The following RCAN1 variants were observed in gnomAD, a reference collection of about 807,000 sequenced individuals.
RCAN1 encodes calcipressin-1.
RCAN1 carries 11 observed loss-of-function variants against 22.9 expected under a neutral mutation model. The ratio of observed to expected loss-of-function variants is 0.48; its 90% CI spans 0.30 to 0.79. The LOEUF (loss-of-function observed/expected upper bound fraction) is 0.79, where lower values mean the gene tolerates loss of function less well. Ranked by LOEUF, RCAN1 falls within the 30% of genes least tolerant of loss-of-function variation. The pLI, the probability that RCAN1 is intolerant of heterozygous loss-of-function variation, is 0.06. For synonymous variants in RCAN1, 136 were observed against 142.3 expected (o/e 0.96, Z 0.32); for missense variants, 291 against 337.8 (o/e 0.86, Z 1.09).
intron 1 of RCAN1, among the ~76,000 whole-genome samples, chr21:34,579,533 G>C (rs1987531814): frequency 1.3e-5 from 2 of 152,140 alleles, no homozygotes; most frequent in Non-Finnish European, 2.9e-5. Flanking sequence ...GGACCCACTG[G>C]ACTAAATGAT....
chr21:34,588,425 T>C (rs947955060), intron 1 of RCAN1, among the ~76,000 whole-genome samples: 2 of 152,234 alleles, frequency 1.3e-5, no homozygotes, highest in Admixed American at 1.3e-4. Flanking sequence ...AGGTTTTGAT[T>C]TGTGTATTTT....
At chr21:34,574,064 A>C (rs546412729) in intron 1 of RCAN1, among the ~76,000 whole-genome samples, 1 of 152,224 alleles carries the variant, frequency 6.6e-6, no homozygotes, top group Non-Finnish European at 1.5e-5. Flanking sequence ...GAATTTTCCA[A>C]TGGAAGGGAC....
chr21:34,530,338 A>C (rs1314958867), intron 1 of RCAN1, among the ~76,000 whole-genome samples: 1 of 152,220 alleles, frequency 6.6e-6, no homozygotes, highest in African/African-American at 2.4e-5. Flanking sequence ...AGGAAAAATT[A>C]AGGTTTATGA....
rs1568874694 is a variant in RCAN1, at chr21:34,518,249, C to G, written c.594G>C (p.Lys198Asn). ...YAISKLGPGE[K>N]YELHAATDTT... ...TGTCAGTCGCTGCGTGCAATTCATA[C>G]TTTTCCCCTAAGGAGGGAAAATAAT... Residue 198 changes from lysine (K) to asparagine (N), a missense_variant, in exon 4 of 4, where the codon AAG becomes AAC. Transcript: ENST00000313806. This position sits in a 1 kb window ranked among gnomAD's most constrained non-coding sequence, Gnocchi z 4.2. 3.1e-6 allele frequency: 5 copies of G among 1,614,052 alleles called. No individual in the cohort carries two copies. Among genetic ancestry groups the G allele is most frequent in the Non-Finnish European group, 4.2e-6 (5 of 1,179,936 alleles).
At chr21:34,609,570 A>G (rs1988629947) in intron 1 of RCAN1, among the ~76,000 whole-genome samples, 3 of 152,244 alleles carry the variant, frequency 2.0e-5, no homozygotes, top group African/African-American at 7.2e-5. Flanking sequence ...AGCCTGAAAT[A>G]TAAACATTGG....
chr21:34,538,938 T>G lies in RCAN1; in HGVS notation c.253-15228A>C, dbSNP rs1181232390. Among the ~76,000 whole-genome samples, 3 of 152,176 alleles carry G rather than the reference T, an allele frequency of 2.0e-5. No homozygotes were observed. In the East Asian group the frequency reaches 5.8e-4, roughly 29 times the overall value. ...CTCAAGGAATTAGAAGGCTCCAGAC[T>G]TGCACCCTAAGTTAATCATCTGAAG... On this transcript the variant is annotated intron_variant, in intron 1 of 3. Coordinates refer to ENST00000313806, the MANE Select transcript of RCAN1 (RefSeq NM_004414.7).
chr21:34,585,124 G>T (rs1987746017), intron 1 of RCAN1, among the ~76,000 whole-genome samples: 1 of 152,158 alleles, frequency 6.6e-6, no homozygotes, highest in Non-Finnish European at 1.5e-5. Context: ...TAAAGATTAA[G>T]ATTTCAACTT....
At chr21:34,596,526 G>A (rs896106122) in intron 1 of RCAN1, among the ~76,000 whole-genome samples, 2 of 152,170 alleles carry the variant, frequency 1.3e-5, no homozygotes, top group Admixed American at 6.5e-5. Context: ...CCTTCTCGAA[G>A]GCTCTGCTTT....
chr21:34,613,753 G>C (rs1447332936), intron 1 of RCAN1: 1 of 1,482,878 alleles, frequency 6.7e-7, no homozygotes, highest in Admixed American at 2.1e-5. Flanking sequence ...CAGAAAGTAA[G>C]TGAACATATA....
intron 1 of RCAN1, among the ~76,000 whole-genome samples, chr21:34,596,642 GTCT>G (rs1988167687): frequency 6.6e-6 from 1 of 152,246 alleles, no homozygotes; most frequent in Non-Finnish European, 1.5e-5. Context: ...GATGCAGAAA[GTCT>G]TCTTTTAGAA....
intron 3 of RCAN1, among the ~76,000 whole-genome samples, chr21:34,519,397 C>CTTTTTTTTTTTTTTTTTTTTTTTTCT (rs34152667): frequency 2.9e-5 from 3 of 102,786 alleles, no homozygotes; most frequent in Non-Finnish European, 5.7e-5. Context: ...TTCTTTCTTT[C>CTTTTTTTTTTTTTTTTTTTTTTTTCT]TTTTTTTTTT....
chr21:34,552,362 T>C (rs1986400908), intron 1 of RCAN1, among the ~76,000 whole-genome samples: 1 of 152,130 alleles, frequency 6.6e-6, no homozygotes, highest in Non-Finnish European at 1.5e-5. Context: ...GAGGCATTGG[T>C]CTAAGGTAGA....
At chr21:34,607,527 C>T (rs1988566341) in intron 1 of RCAN1, among the ~76,000 whole-genome samples, 1 of 151,996 alleles carries the variant, frequency 6.6e-6, no homozygotes, top group Non-Finnish European at 1.5e-5. Flanking sequence ...ATAGCTGGGA[C>T]TACAGGCGCG....
intron 1 of RCAN1, among the ~76,000 whole-genome samples, chr21:34,567,321 C>T (rs118041668): frequency 0.055 from 8,346 of 152,184 alleles, 300 homozygotes; most frequent in Middle Eastern, 0.089. Flanking sequence ...ATGGTGAAAC[C>T]CTATCTCTAT....
intron 1 of RCAN1, among the ~76,000 whole-genome samples, chr21:34,543,798 G>A (rs1188712695): frequency 6.6e-6 from 1 of 152,170 alleles, no homozygotes; most frequent in African/African-American, 2.4e-5. Context: ...GGTGTCAGAT[G>A]GGCCTGGGCA....
In RCAN1 at chr21:34,518,894, G is replaced by C. The variant is rs1051781637; in HGVS notation, c.587-638C>G. ...GGTTGGCCAAGTTCAGGCCACTCTGGTCCAGCAAGGGTGGGGAGAGCTTTC... is the reference window on the plus strand; with the variant it reads ...GGTTGGCCAAGTTCAGGCCACTCTGCTCCAGCAAGGGTGGGGAGAGCTTTC... On this transcript the variant is annotated intron_variant, in intron 3 of 3. Transcript: ENST00000313806. The surrounding 1 kb of genome is among the most constrained non-coding windows in gnomAD (Gnocchi z 4.2). Among the ~76,000 whole-genome samples, 4 of 152,226 alleles carry C rather than the reference G, an allele frequency of 2.6e-5. No individual in the cohort carries two copies. Among genetic ancestry groups the C allele is most frequent in the Non-Finnish European group, 5.9e-5 (4 of 68,030 alleles).
chr21:34,523,460 T>G, intron 2 of RCAN1, 77 bp downstream of exon 2: 4 of 1,430,904 alleles, frequency 2.8e-6, no homozygotes, highest in Non-Finnish European at 3.8e-6. Flanking sequence ...GCATATAACA[T>G]AAGCAACGTA....
intron 1 of RCAN1, among the ~76,000 whole-genome samples, chr21:34,570,830 T>C (rs1185055617): frequency 1.3e-5 from 2 of 152,162 alleles, no homozygotes; most frequent in African/African-American, 4.8e-5. Flanking sequence ...TAGAATATCC[T>C]TTTTTTATAG....
rs1568920241 is a variant in RCAN1 at position 34,579,430 on chromosome 21, G to C, written c.252+35330C>G. ...CAAAAATGCAATGTTAAAGATAAAG[G>C]GTCCAGATCTTTGACCCCAGGCCTT... On this transcript the variant is annotated intron_variant, in intron 1 of 3. Transcript: ENST00000313806. 2.6e-5 allele frequency among the ~76,000 whole-genome samples: 4 copies of C among 152,154 alleles called. No homozygotes were observed. The East Asian group carries it at 5.8e-4, about 22-fold the overall frequency.
Sources: allele counts gnomAD v4.1 joint callset (sites outside exome capture counted in the v4.1 genomes callset), GRCh38; gene constraint gnomAD v4.1.1; non-coding constraint Gnocchi (gnomAD v3.1); transcripts MANE v1.5; gene names NCBI Gene and HGNC (gene_info 2026-07-23, HGNC 2026-07-21).